Variants in NFIB observed in about 807,000 individuals in gnomAD.
The protein encoded by NFIB is nuclear factor I B, also known as nuclear factor 1 B-type.
A neutral mutation model predicts 61.5 loss-of-function variants in NFIB; 11 were observed. That is an observed-to-expected ratio of 0.18 (90% CI 0.11 to 0.30). NFIB has a LOEUF of 0.30. Ranked by LOEUF, NFIB falls within the 10% of genes least tolerant of loss-of-function variation. The pLI, the probability that NFIB is intolerant of heterozygous loss-of-function variation, is 1.00. For synonymous variants in NFIB, 260 were observed against 216.5 expected, an observed-to-expected ratio of 1.20 and a Z score of -1.76; for missense variants, 471 against 608.9, an observed-to-expected ratio of 0.77 and a Z score of 2.38.
At chr9:14,270,907 C>G (rs987594793) in intron 2 of NFIB, among the ~76,000 whole-genome samples, 4 of 152,056 alleles carry the variant, frequency 2.6e-5, no homozygotes, top group Non-Finnish European at 5.9e-5. Flanking sequence ...GCTGAGTCTC[C>G]GTAGGCCCTT....
At chr9:14,272,145 G>C (rs1002562932) in intron 2 of NFIB, among the ~76,000 whole-genome samples, 1 of 152,052 alleles carries the variant, frequency 6.6e-6, no homozygotes, top group Non-Finnish European at 1.5e-5. Flanking sequence ...AAAGGCGCAA[G>C]TTTCCATTAT....
intron 2 of NFIB, among the ~76,000 whole-genome samples, chr9:14,221,124 C>T (rs2051616830): frequency 6.6e-6 from 1 of 152,166 alleles, no homozygotes; most frequent in African/African-American, 2.4e-5. Flanking sequence ...GATATTCCCA[C>T]ATTTCACTTG....
chr9:14,400,633 A>G (rs1198569246), upstream of NFIB, among the ~76,000 whole-genome samples: 2 of 152,198 alleles, frequency 1.3e-5, no homozygotes, highest in Non-Finnish European at 2.9e-5. Context: ...CATAATAACT[A>G]TTGAATAATG....
intron 3 of NFIB, among the ~76,000 whole-genome samples, chr9:14,163,898 G>A (rs919589849): frequency 6.6e-6 from 1 of 151,498 alleles, no homozygotes; most frequent in Admixed American, 6.6e-5. Flanking sequence ...ATAAAAAAAT[G>A]ACTGAATTAT....
chr9:14,411,510 C>T, the NFIB span, among the ~76,000 whole-genome samples: 5 of 152,214 alleles, frequency 3.3e-5, no homozygotes, highest in East Asian at 9.7e-4. Context: ...AATATAAGGG[C>T]ACCTGGCCAT....
intron 2 of NFIB, among the ~76,000 whole-genome samples, chr9:14,196,058 G>A (rs971996055): frequency 6.6e-6 from 1 of 152,084 alleles, no homozygotes; most frequent in Non-Finnish European, 1.5e-5. Context: ...AGTGCTAATG[G>A]TGCTCCTAAA....
intron 1 of NFIB, among the ~76,000 whole-genome samples, chr9:14,383,544 T>C (rs1018060409): frequency 3.9e-5 from 6 of 152,198 alleles, no homozygotes; most frequent in African/African-American, 1.4e-4. Flanking sequence ...CAGTGGTTGA[T>C]TTGTTTCCTC....
intron 2 of NFIB, chr9:14,300,333 G>A (rs1475716150): frequency 5.0e-6 from 2 of 397,466 alleles, no homozygotes; most frequent in African/African-American, 4.1e-5. Flanking sequence ...TCCTTCACAA[G>A]GATGGAGGGA....
At chr9:14,428,094 T>C in the NFIB span, among the ~76,000 whole-genome samples, 2 of 151,418 alleles carry the variant, frequency 1.3e-5, no homozygotes, top group African/African-American at 4.9e-5. Context: ...TACAGGCATA[T>C]GCCACCGTAC....
In NFIB at chr9:14,257,442, C is replaced by G. The variant is rs546653574; in HGVS notation, c.562+49547G>C. Among the ~76,000 whole-genome samples the G allele has an allele frequency of 3.3e-5, 5 of 152,296 alleles. No individual in the cohort carries two copies. The South Asian group carries it at 1.0e-3, about 32-fold the overall frequency. On this transcript the variant is annotated intron_variant, in intron 2 of 10. Transcript: ENST00000380953. ...GCTGAATGAACAAGAGAGAAAACCT[C>G]AAAAATCTTTCAGTAATAGAAAGAT... is the stretch of plus-strand genomic sequence containing the variant.
chr9:14,341,989 A>C (rs1255166562), intron 1 of NFIB, among the ~76,000 whole-genome samples: 1 of 152,080 alleles, frequency 6.6e-6, no homozygotes, highest in Admixed American at 6.5e-5. Flanking sequence ...AATACCAAGA[A>C]AACAGCATTC....
chr9:14,486,326 T>C, the NFIB span, among the ~76,000 whole-genome samples: 1 of 151,990 alleles, frequency 6.6e-6, no homozygotes, highest in African/African-American at 2.4e-5. Flanking sequence ...AGGAAGAGAC[T>C]AGATAGTCCA....
chr9:14,143,312 GATTT>G (rs2131073747), intron 6 of NFIB, among the ~76,000 whole-genome samples: 1 of 151,946 alleles, frequency 6.6e-6, no homozygotes, highest in South Asian at 2.1e-4. Flanking sequence ...TATTTTGCCT[GATTT>G]ATTTTAAGAA....
chr9:14,299,297 G>C (rs1588209028), intron 2 of NFIB, among the ~76,000 whole-genome samples: 1 of 152,090 alleles, frequency 6.6e-6, no homozygotes, highest in East Asian at 1.9e-4. Flanking sequence ...TAAAAAAACA[G>C]TTCATCTTCA....
chr9:14,342,809 T>C (rs1188990815), intron 1 of NFIB, among the ~76,000 whole-genome samples: 1 of 152,208 alleles, frequency 6.6e-6, no homozygotes, highest in Non-Finnish European at 1.5e-5. Context: ...ATGTGTGTTT[T>C]ATAACATCGA....
the NFIB span, among the ~76,000 whole-genome samples, chr9:14,515,645 C>T: frequency 6.6e-6 from 1 of 152,120 alleles, no homozygotes; most frequent in Non-Finnish European, 1.5e-5. Context: ...ATTCATTATG[C>T]CTCTGAACGT....
chr9:14,388,046 G>A (rs1005291083), intron 1 of NFIB, among the ~76,000 whole-genome samples: 1 of 152,146 alleles, frequency 6.6e-6, no homozygotes, highest in East Asian at 1.9e-4. Flanking sequence ...GTACAAAAAT[G>A]TGTACCACAG....
intron 2 of NFIB, among the ~76,000 whole-genome samples, chr9:14,208,803 A>T (rs2050018196): frequency 1.3e-5 from 2 of 152,190 alleles, no homozygotes; most frequent in Non-Finnish European, 2.9e-5. Flanking sequence ...AAAAATATTC[A>T]TCTTTTCTCA....
chr9:14,228,498 A>G (rs756875898), intron 2 of NFIB, among the ~76,000 whole-genome samples: 27 of 152,148 alleles, frequency 1.8e-4, no homozygotes, highest in Non-Finnish European at 3.7e-4. Context: ...CTTAATAGTA[A>G]TTCCCACATC....
Sources: allele counts gnomAD v4.1 joint callset (sites outside exome capture counted in the v4.1 genomes callset), GRCh38; gene constraint gnomAD v4.1.1; transcripts MANE v1.5; gene names NCBI Gene and HGNC (gene_info 2026-07-23, HGNC 2026-07-21).